APOLD1: variants seen among roughly 807,000 people sequenced by gnomAD.
APOLD1 encodes apolipoprotein L domain-containing protein 1.
Under a neutral mutation model 15.3 loss-of-function variants are expected in APOLD1, and 22 were observed. That is an observed-to-expected ratio of 1.44 (90% CI 1.03 to 2.05). The LOEUF (loss-of-function observed/expected upper bound fraction) is 2.05, where lower values mean the gene tolerates loss of function less well. Ranked by LOEUF, APOLD1 falls within the 30% of genes most tolerant of loss-of-function variation. The pLI, the probability that APOLD1 is intolerant of heterozygous loss-of-function variation, is 0.00. For missense variants in APOLD1, 394 were observed against 353.5 expected (o/e 1.11, Z -0.92); for synonymous variants, 190 against 167.4 (o/e 1.13, Z -1.04).
chr12:12,729,730 C>T (rs1434509699), intron 1 of APOLD1, among the ~76,000 whole-genome samples: 1 of 151,974 alleles, frequency 6.6e-6, no homozygotes, highest in Non-Finnish European at 1.5e-5. Context: ...TATGATTTTA[C>T]TACTGCACTC....
At chr12:12,733,254 G>A (rs1050260426) in intron 1 of APOLD1, among the ~76,000 whole-genome samples, 3 of 151,972 alleles carry the variant, frequency 2.0e-5, no homozygotes, top group Non-Finnish European at 2.9e-5. Flanking sequence ...TAAGAAAGGA[G>A]GTCTAGACTG....
intron 1 of APOLD1, among the ~76,000 whole-genome samples, chr12:12,736,919 C>T (rs1301002642): frequency 2.0e-5 from 3 of 152,198 alleles, no homozygotes; most frequent in African/African-American, 2.4e-5. Context: ...TCCTGCTCCA[C>T]CCCGCTACCA....
chr12:12,783,988 C>G (rs575341767), upstream of APOLD1, among the ~76,000 whole-genome samples: 1 of 152,182 alleles, frequency 6.6e-6, no homozygotes, highest in Admixed American at 6.5e-5. Context: ...TCAATTAACT[C>G]AATTTTTTTT....
In APOLD1 at chr12:12,790,904, A is replaced by G. The variant is rs932348038; in HGVS notation, c.*3252A>G. The G allele has an allele frequency of 3.3e-5, 5 of 152,320 alleles. No individual in the cohort carries two copies. Among genetic ancestry groups the G allele is most frequent in the Admixed American group, 2.6e-4 (4 of 15,290 alleles). The allele number at this position is 152,320 out of a possible 1,614,324, so 9.4% of individuals were successfully genotyped here. Reference sequence around the variant, plus strand: ...TCATTCTTTAAACAAACAGGTTGAAATGGTATGTTGTAAAAGAGAAGACGG... The same window carrying G: ...TCATTCTTTAAACAAACAGGTTGAAGTGGTATGTTGTAAAAGAGAAGACGG... On this transcript the variant is annotated 3_prime_UTR_variant, in exon 2 of 2. Coordinates refer to ENST00000356591, the MANE Select transcript of APOLD1 (RefSeq NM_030817.3).
At chr12:12,759,081 G>A (rs1051422709) in intron 1 of APOLD1, among the ~76,000 whole-genome samples, 5 of 152,148 alleles carry the variant, frequency 3.3e-5, no homozygotes, top group African/African-American at 1.2e-4. Flanking sequence ...CATCCTGTGC[G>A]GGAGGGAGCA....
chr12:12,789,029 A>G lies in APOLD1; in HGVS notation c.*1377A>G, dbSNP rs929532671. ...GAAACTGGTACAGAAAGGAATATGAAGTTCCTGAAACTGACCTTTGTCTAT... is the reference window on the plus strand; with the variant it reads ...GAAACTGGTACAGAAAGGAATATGAGGTTCCTGAAACTGACCTTTGTCTAT... On this transcript the variant is annotated 3_prime_UTR_variant, in exon 2 of 2. Transcript: ENST00000356591. 6.6e-6 allele frequency: 1 copy of G among 152,168 alleles called. No individual in the cohort carries two copies. Among genetic ancestry groups the G allele is most frequent in the Non-Finnish European group, 1.5e-5 (1 of 68,042 alleles). The allele number at this position is 152,168 out of a possible 1,614,324, so 9.4% of individuals were successfully genotyped here. A position where few individuals can be genotyped will look rare whatever the true frequency, so the allele number is the denominator to read the frequency against.
rs1279275527 is a variant in APOLD1, at chr12:12,788,681, C to T, written c.*1029C>T. The T allele has an allele frequency of 6.6e-6, 1 of 152,220 alleles. No homozygotes were observed. The allele number at this position is 152,220 out of a possible 1,614,324, so 9.4% of individuals were successfully genotyped here. A position where few individuals can be genotyped will look rare whatever the true frequency, so the allele number is the denominator to read the frequency against. ...CCCTCCTGATTTATGGAATCAGAAA[C>T]TCTGGCTGTGGGGCCCAGCAACCTG... On this transcript the variant is annotated 3_prime_UTR_variant, in exon 2 of 2. Transcript: ENST00000356591.
Position 12,787,101 on chromosome 12 carries a change from G to T in APOLD1, c.196G>T (p.Gly66Cys), listed in dbSNP as rs780563144. The T allele has an allele frequency of 7.1e-7, 1 of 1,413,878 alleles. No homozygotes were observed. Among genetic ancestry groups the T allele is most frequent in the Admixed American group, 3.4e-5 (1 of 29,532 alleles). The allele number at this position is 1,413,878 out of a possible 1,614,324, so 87.6% of individuals were successfully genotyped here. A position where few individuals can be genotyped will look rare whatever the true frequency, so the allele number is the denominator to read the frequency against. The change falls in exon 2 of 2, where the codon GGC becomes TGC. Residue 66 changes from glycine (G) to cysteine (C), a missense_variant. Gly to Cys is a radical substitution (Grantham distance 159, BLOSUM62 -3). Coordinates refer to ENST00000356591, the MANE Select transcript of APOLD1 (RefSeq NM_030817.3). The surrounding 1 kb of genome is among the most constrained non-coding windows in gnomAD (Gnocchi z 4.9). The part of the protein sequence containing the change: ...NVAGSSLSAT[G>C]ALAAIVGLSL... The stretch of plus-strand genomic sequence containing the variant: ...GGCCGGCAGCTCGCTGAGCGCAACG[G>T]GCGCCCTCGCCGCCATCGTGGGGCT...
intron 1 of APOLD1, among the ~76,000 whole-genome samples, chr12:12,754,033 G>A (rs1946835317): frequency 6.6e-6 from 1 of 151,274 alleles, no homozygotes; most frequent in Non-Finnish European, 1.5e-5. Flanking sequence ...TGGCCAACAT[G>A]GTGAAACTTT....
intron 1 of APOLD1, among the ~76,000 whole-genome samples, chr12:12,740,506 A>G (rs1218870891): frequency 1.3e-5 from 2 of 152,162 alleles, no homozygotes; most frequent in Non-Finnish European, 2.9e-5. Flanking sequence ...CCTTTTCTGC[A>G]TTGTCCTAAC....
At chr12:12,745,047 A>C (rs567453086) in intron 1 of APOLD1, among the ~76,000 whole-genome samples, 2 of 152,200 alleles carry the variant, frequency 1.3e-5, no homozygotes, top group African/African-American at 4.8e-5. Flanking sequence ...TAGAGGGAAA[A>C]ATGTATTAAA....
intron 1 of APOLD1, among the ~76,000 whole-genome samples, chr12:12,738,393 A>G (rs1292982748): frequency 1.3e-5 from 2 of 151,730 alleles, no homozygotes; most frequent in South Asian, 2.1e-4. Context: ...TTTTTTAGAG[A>G]TGGGGTCTCA....
exon 1 of APOLD1, chr12:12,726,043 C>T: frequency 1.3e-6 from 2 of 1,538,494 alleles, no homozygotes; most frequent in Non-Finnish European, 1.8e-6. Context: ...CAGGGGTACT[C>T]GGAAGGCGCG....
chr12:12,776,760 G>A (rs1353487759), intron 1 of APOLD1, among the ~76,000 whole-genome samples: 1 of 152,156 alleles, frequency 6.6e-6, no homozygotes, highest in Non-Finnish European at 1.5e-5. Context: ...AATGAAGGTT[G>A]AGTCTCCCTT....
At chr12:12,733,007 A>G (rs1946653822) in intron 1 of APOLD1, among the ~76,000 whole-genome samples, 1 of 152,128 alleles carries the variant, frequency 6.6e-6, no homozygotes, top group Non-Finnish European at 1.5e-5. Flanking sequence ...GGGTAGCTTT[A>G]TATGTATTAA....
upstream of APOLD1, among the ~76,000 whole-genome samples, chr12:12,782,935 G>A (rs916933880): frequency 1.3e-5 from 2 of 152,180 alleles, no homozygotes; most frequent in Non-Finnish European, 2.9e-5. Flanking sequence ...GCTGGGCATG[G>A]TGGCTCATGC....
intron 1 of APOLD1, among the ~76,000 whole-genome samples, chr12:12,760,816 C>T (rs1446261558): frequency 6.6e-6 from 1 of 152,116 alleles, no homozygotes; most frequent in East Asian, 1.9e-4. Flanking sequence ...CCCCCTTCCC[C>T]AACATATGAA....
At chr12:12,785,228 G>A (rs7961992), upstream of APOLD1, among the ~76,000 whole-genome samples, 3,491 of 152,240 alleles carry the variant, frequency 0.023, 126 homozygotes, top group African/African-American at 0.08. Flanking sequence ...GAGTATGAGC[G>A]GCTATGTCAG....
Position 12,787,487 on chromosome 12 carries a change from G to A in APOLD1, c.582G>A (p.Val194=), listed in dbSNP as rs75922009. 1,666 of 1,614,158 alleles carry A rather than the reference G, an allele frequency of 1.0e-3. 24 individuals carry two copies. In the African/African-American group the frequency reaches 0.02, roughly 20 times the overall value. Residue 194 remains valine (V), a synonymous_variant, in exon 2 of 2, where the codon GTG becomes GTA. Transcript: ENST00000356591. The surrounding 1 kb of genome is among the most constrained non-coding windows in gnomAD (Gnocchi z 4.9). ...AEGDTKVSQA[V]LKAKIQKLAE... ...GGGACACCAAGGTTAGCCAGGCCGT[G>A]CTGAAGGCCAAGATTCAGAAACTGG...
Sources: allele counts gnomAD v4.1 joint callset (sites outside exome capture counted in the v4.1 genomes callset), GRCh38; gene constraint gnomAD v4.1.1; non-coding constraint Gnocchi (gnomAD v3.1); transcripts MANE v1.5; gene names NCBI Gene and HGNC (gene_info 2026-07-23, HGNC 2026-07-21).